WNK2: variants seen among roughly 807,000 people sequenced by gnomAD.
The protein encoded by WNK2 is serine/threonine-protein kinase WNK2.
Under a neutral mutation model 192.1 loss-of-function variants are expected in WNK2, and 67 were observed. That is an observed-to-expected ratio of 0.35 (90% confidence interval 0.29 to 0.43). WNK2 has a LOEUF of 0.43. Ranked by LOEUF, WNK2 falls within the 20% of genes least tolerant of loss-of-function variation. The probability of loss-of-function intolerance (pLI) is 1.00; values close to 1 mark genes in which losing one functional copy is unlikely to be tolerated. For missense variants in WNK2, 2,698 were observed against 3,089.7 expected (o/e 0.87, Z 3.01); for synonymous variants, 1,439 against 1,393.9 (o/e 1.03, Z -0.72).
chr9:93,312,721 A>T (rs1853889357), intron 28 of WNK2, among the ~76,000 whole-genome samples: 1 of 152,124 alleles, frequency 6.6e-6, no homozygotes, highest in Non-Finnish European at 1.5e-5. Flanking sequence ...CAGTTTTCCC[A>T]GCAGACGTTG....
Position 93,299,172 on chromosome 9 carries a change from A to G in WNK2, c.6026A>G (p.Gln2009Arg), listed in dbSNP as rs753638401. The G allele has an allele frequency of 1.2e-6, 2 of 1,610,628 alleles. No individual in the cohort carries two copies. Among genetic ancestry groups the G allele is most frequent in the African/African-American group, 1.3e-5 (1 of 75,010 alleles). Reference sequence around the variant, plus strand: ...ACGGGCCTGAGCGGGAAGGCAGTGCAGACCCAGCAGCCCTGCTCCGTCCGG... The same window carrying G: ...ACGGGCCTGAGCGGGAAGGCAGTGCGGACCCAGCAGCCCTGCTCCGTCCGG... ...DSTGLSGKAV[Q>R]TQQPCSVRAS... is the part of the protein sequence containing the mutation. Residue 2009 changes from glutamine to arginine, a missense_variant, in exon 25 of 30, where the codon CAG becomes CGG. This residue lies in a region of WNK2 where 1,098 missense variants were observed against 1,101.0 expected (regional missense o/e 1.00). Transcript: ENST00000427277.
chr9:93,271,889 G>A (rs1190068504), intron 19 of WNK2, among the ~76,000 whole-genome samples: 1 of 152,208 alleles, frequency 6.6e-6, no homozygotes, highest in African/African-American at 2.4e-5. Flanking sequence ...CAAAAATTAT[G>A]CATTACCTAG....
intron 2 of WNK2, among the ~76,000 whole-genome samples, chr9:93,193,314 G>A (rs552269824): frequency 6.6e-6 from 1 of 152,222 alleles, no homozygotes; most frequent in African/African-American, 2.4e-5. Context: ...AGTGTGGATG[G>A]TGTTAGCTGC....
chr9:93,226,783 G>A (rs1052130830), intron 2 of WNK2, among the ~76,000 whole-genome samples: 4 of 152,096 alleles, frequency 2.6e-5, no homozygotes, highest in Admixed American at 2.0e-4. Flanking sequence ...CTTCACCTGT[G>A]CTACTGAGAG....
chr9:93,308,777 G>T, intron 28 of WNK2, 193 bp downstream of exon 28: 1 of 1,423,686 alleles, frequency 7.0e-7, no homozygotes, highest in South Asian at 1.5e-5. Context: ...CGCACCCACA[G>T]CTCCGCAGCT....
At position 93,253,042 on chromosome 9, in the gene WNK2, G is replaced by C; in HGVS notation, c.1994G>C (p.Ser665Thr). ...AGCGAGGGGCCCGTCCTGCCGCAGAGCCTGCCCTCGCTGGGGGCCTACCAG... is the reference window on the plus strand; with the variant it reads ...AGCGAGGGGCCCGTCCTGCCGCAGACCCTGCCCTCGCTGGGGGCCTACCAG... ...PVSEGPVLPQ[S>T]LPSLGAYQQP... is the part of the protein sequence containing the mutation. The change falls in exon 9 of 30, where the codon AGC becomes ACC. Residue 665 changes from serine to threonine, a missense_variant. Physicochemically the swap from Ser to Thr is moderately conservative, Grantham distance 58. This residue lies in a region of WNK2 where 893 missense variants were observed against 909.0 expected (regional missense o/e 0.98). Transcript: ENST00000427277. The C allele has an allele frequency of 6.5e-7, 1 of 1,527,894 alleles. No homozygotes were observed. The allele number at this position is 1,527,894 out of a possible 1,614,324, so 94.6% of individuals were successfully genotyped here.
At chr9:93,318,806 A>G in intron 29 of WNK2, 1 of 1,410,804 alleles carries the variant, frequency 7.1e-7, no homozygotes. Context: ...ACTCGTCCCC[A>G]GTGGGCACAA....
At chr9:93,298,228 C>T (rs964423327) in intron 24 of WNK2, among the ~76,000 whole-genome samples, 161 bp downstream of exon 24, 13 of 152,216 alleles carry the variant, frequency 8.5e-5, no homozygotes, top group Non-Finnish European at 1.8e-4. Context: ...GGAGTCATTG[C>T]AGCATGAAGG....
chr9:93,264,816 C>T (rs980292205), intron 16 of WNK2, among the ~76,000 whole-genome samples: 3 of 152,236 alleles, frequency 2.0e-5, no homozygotes, highest in Non-Finnish European at 2.9e-5. Flanking sequence ...CAGATGGCCA[C>T]CAAGTGCCTG....
rs142514081 is a variant in WNK2, at chr9:93,213,150, A to C, written c.682-16546A>C. The stretch of plus-strand genomic sequence containing the variant: ...GAAGGGATATAAGAGCCGTCTTCCC[A>C]GAGTAGATTGGAGCAACAAGGATGG... On this transcript the variant is annotated intron_variant, in intron 2 of 29. Transcript: ENST00000427277. 1.2e-3 allele frequency among the ~76,000 whole-genome samples: 183 copies of C among 152,274 alleles called. 1 individual carries two copies. Among genetic ancestry groups the C allele is most frequent in the African/African-American group, 3.6e-3 (151 of 41,560 alleles).
chr9:93,262,157 C>T (rs1164575214), intron 13 of WNK2, 50 bp downstream of exon 13: 5 of 1,524,818 alleles, frequency 3.3e-6, no homozygotes, highest in Non-Finnish European at 4.4e-6. Flanking sequence ...GTTGCGGCCA[C>T]CGGGGATCTG....
chr9:93,261,310 C>T (rs1844194942), intron 12 of WNK2, among the ~76,000 whole-genome samples: 1 of 152,214 alleles, frequency 6.6e-6, no homozygotes, highest in Non-Finnish European at 1.5e-5. Flanking sequence ...TCCTCCTTCC[C>T]CACTTGTCTT....
At chr9:93,262,379 CCT>C (rs1387111655) in intron 13 of WNK2, among the ~76,000 whole-genome samples, 1 of 152,234 alleles carries the variant, frequency 6.6e-6, no homozygotes, top group Non-Finnish European at 1.5e-5. Context: ...ACCAGTGTGT[CCT>C]CTTTGAGGGA....
intron 8 of WNK2, among the ~76,000 whole-genome samples, chr9:93,251,916 G>A (rs189977023): frequency 2.6e-5 from 4 of 152,204 alleles, no homozygotes; most frequent in African/African-American, 9.6e-5. Flanking sequence ...TGTCTTCCTA[G>A]GTTACAGTAG....
At chr9:93,315,041 C>A (rs530310104) in intron 28 of WNK2, among the ~76,000 whole-genome samples, 1 of 152,232 alleles carries the variant, frequency 6.6e-6, no homozygotes, top group East Asian at 1.9e-4. Context: ...CTTGACTGGC[C>A]CACTTTTGCT....
chr9:93,218,494 C>A (rs999265633), intron 2 of WNK2, among the ~76,000 whole-genome samples: 1 of 152,202 alleles, frequency 6.6e-6, no homozygotes, highest in African/African-American at 2.4e-5. Flanking sequence ...AGGAGCCAGG[C>A]CTGCAATCAG....
chr9:93,242,275 C>T (rs1357422439), intron 7 of WNK2, among the ~76,000 whole-genome samples: 1 of 152,194 alleles, frequency 6.6e-6, no homozygotes, highest in African/African-American at 2.4e-5. Context: ...CACCTGTGTC[C>T]CCACCTGGCC....
At chr9:93,270,252 G>A (rs964686153) in intron 19 of WNK2, among the ~76,000 whole-genome samples, 6 of 152,222 alleles carry the variant, frequency 3.9e-5, no homozygotes, top group Non-Finnish European at 5.9e-5. Context: ...TTGGAGTGCC[G>A]TGGGTTCAGG....
intron 19 of WNK2, among the ~76,000 whole-genome samples, chr9:93,287,413 G>C (rs1848609502): frequency 6.6e-6 from 1 of 152,200 alleles, no homozygotes; most frequent in Admixed American, 6.5e-5. Flanking sequence ...AGCCCAGTGA[G>C]TACCAACACA....
Sources: allele counts gnomAD v4.1 joint callset (sites outside exome capture counted in the v4.1 genomes callset), GRCh38; gene constraint gnomAD v4.1.1; regional missense constraint gnomAD v4.1.1; transcripts MANE v1.5; gene names NCBI Gene and HGNC (gene_info 2026-07-23, HGNC 2026-07-21).